CELA3B: variants seen among roughly 807,000 people sequenced by gnomAD.
CELA3B encodes the protein chymotrypsin-like elastase family member 3B.
A neutral mutation model predicts 37.2 loss-of-function variants in CELA3B; 34 were observed. The observed-to-expected ratio is 0.91, with a 90% CI of 0.70 to 1.22. The LOEUF is 1.22. Ranked by LOEUF, CELA3B falls within the 50% of genes most tolerant of loss-of-function variation. CELA3B has a pLI of 0.00. For synonymous variants in CELA3B, 127 were observed against 143.5 expected (o/e 0.89, Z 0.82); for missense variants, 340 against 363.1 (o/e 0.94, Z 0.52).
Position 21,983,683 on chromosome 1 carries a change from C to T in CELA3B, c.363-11C>T. The T allele has an allele frequency of 1.2e-6, 2 of 1,613,052 alleles. No individual in the cohort carries two copies. Among genetic ancestry groups the T allele is most frequent in the Non-Finnish European group, 1.7e-6 (2 of 1,179,404 alleles). On this transcript the variant is annotated splice_polypyrimidine_tract_variant and intron_variant, in intron 4 of 7. Transcript: ENST00000337107. Reference sequence around the variant, plus strand: ...GAGGACCAGGCCCCGTGACTGTTCCCTCCTCCCCAGCAATGACATCGCCCT... The same window carrying T: ...GAGGACCAGGCCCCGTGACTGTTCCTTCCTCCCCAGCAATGACATCGCCCT...
intron 2 of CELA3B, among the ~76,000 whole-genome samples, chr1:21,980,374 C>G (rs997441903): frequency 6.8e-4 from 103 of 152,264 alleles, no homozygotes; most frequent in Non-Finnish European, 5.9e-4. Context: ...AGTTACTGTG[C>G]AGGCTGAGGC....
In CELA3B at chr1:21,977,154, T is replaced by C. The variant is rs1644777288; in HGVS notation, c.43+72T>C. ...GGAATCCTTGAAATCTACCACTTGC[T>C]CTAAGTCCCATGACACCCTATGCCT... On this transcript the variant is annotated intron_variant, in intron 1 of 7. Coordinates refer to ENST00000337107, the MANE Select transcript of CELA3B (RefSeq NM_007352.4). The C allele has an allele frequency of 5.0e-6, 8 of 1,604,472 alleles. No individual in the cohort carries two copies. The South Asian group carries it at 8.8e-5, about 18-fold the overall frequency.
At chr1:21,985,680 A>G (rs1272248048) in intron 6 of CELA3B, among the ~76,000 whole-genome samples, 2 of 151,892 alleles carry the variant, frequency 1.3e-5, no homozygotes, top group Non-Finnish European at 2.9e-5. Context: ...TCACGAGGTC[A>G]GGAGATCGAG....
intron 6 of CELA3B, among the ~76,000 whole-genome samples, chr1:21,984,945 T>TA (rs956210659): frequency 6.0e-5 from 9 of 148,964 alleles, no homozygotes; most frequent in East Asian, 5.9e-4. Context: ...AGACTCTGTC[T>TA]AAAAAAAAAA....
chr1:21,989,654 C>G (rs538868092), downstream of CELA3B, among the ~76,000 whole-genome samples: 3 of 150,534 alleles, frequency 2.0e-5, no homozygotes, highest in Non-Finnish European at 4.4e-5. Flanking sequence ...TCAATGCAGG[C>G]ATATAAACAT....
chr1:21,980,484 CA>C (rs1557864298), intron 2 of CELA3B, among the ~76,000 whole-genome samples: 2 of 151,458 alleles, frequency 1.3e-5, no homozygotes, highest in Admixed American at 1.3e-4. Context: ...CCATCTCAAA[CA>C]AAAAAAGTCA....
In CELA3B at chr1:21,984,281, G is replaced by A. The variant is rs146323886; in HGVS notation, c.592G>A (p.Val198Met). 7.8e-5 allele frequency: 126 copies of A among 1,614,126 alleles called. No individual in the cohort carries two copies. Among genetic ancestry groups the A allele is most frequent in the Non-Finnish European group, 9.7e-5 (114 of 1,180,006 alleles). Residue 198 changes from valine (V) to methionine (M), a missense_variant, in exon 6 of 8, where the codon GTG (valine) becomes ATG (methionine). Coordinates refer to ENST00000337107, the MANE Select transcript of CELA3B (RefSeq NM_007352.4). ...CSRWNWWGSS[V>M]KKTMVCAGGD... Reference sequence around the variant, plus strand: ...CAGGTGGAACTGGTGGGGTTCCTCCGTGAAGAAGACCATGGTGTGTGCTGG... The same window carrying A: ...CAGGTGGAACTGGTGGGGTTCCTCCATGAAGAAGACCATGGTGTGTGCTGG...
chr1:21,995,649 T>C (rs1276480399), intron 4 of CELA3B, among the ~76,000 whole-genome samples: 1 of 150,682 alleles, frequency 6.6e-6, no homozygotes, highest in Non-Finnish European at 1.5e-5. Flanking sequence ...CATTTCATGC[T>C]CTATTTTTAG....
Position 21,986,556 on chromosome 1 carries a change from G to T in CELA3B, c.668G>T (p.Cys223Phe), listed in dbSNP as rs1443170285. ...CNGDSGGPLN[C>F]PTEDGGWQVH... ...GGTGACTCTGGAGGACCCCTCAACTGCCCCACAGAGGATGGTGGCTGGCAG... is the reference window on the plus strand; with the variant it reads ...GGTGACTCTGGAGGACCCCTCAACTTCCCCACAGAGGATGGTGGCTGGCAG... Residue 223 changes from cysteine to phenylalanine, a missense_variant, in exon 7 of 8, where the codon TGC (cysteine) becomes TTC (phenylalanine). Cys to Phe is a radical substitution (Grantham distance 205, BLOSUM62 -2). Transcript: ENST00000337107. 6.2e-7 allele frequency: 1 copy of T among 1,614,026 alleles called. No individual in the cohort carries two copies. The highest frequency in any genetic ancestry group is 1.7e-5 in the Admixed American group (1 of 59,970).
At chr1:21,986,775 A>G in intron 7 of CELA3B, 92 bp downstream of exon 7, 6 of 1,417,518 alleles carry the variant, frequency 4.2e-6, no homozygotes, top group Non-Finnish European at 4.8e-6. Flanking sequence ...GGAGGGCCTG[A>G]AAGGATCCTA....
At chr1:21,987,858 A>G (rs1157470514) in intron 7 of CELA3B, 5 of 151,594 alleles carry the variant, frequency 3.3e-5, no homozygotes, top group Admixed American at 6.6e-5. Flanking sequence ...GGAATGATAT[A>G]GAGATTAGCA....
intron 2 of CELA3B, among the ~76,000 whole-genome samples, chr1:21,978,910 G>C (rs1484521411): frequency 6.6e-6 from 1 of 151,570 alleles, no homozygotes; most frequent in Non-Finnish European, 1.5e-5. Flanking sequence ...GGCCGGGCAC[G>C]GTGGCTCACG....
intron 4 of CELA3B, among the ~76,000 whole-genome samples, chr1:21,982,081 G>A (rs1247867919): frequency 1.3e-5 from 2 of 152,078 alleles, no homozygotes. Context: ...GTTTTTTCTG[G>A]CGAGAGGGTC....
chr1:21,983,076 G>A (rs562940792), intron 4 of CELA3B, among the ~76,000 whole-genome samples: 5 of 152,286 alleles, frequency 3.3e-5, no homozygotes, highest in African/African-American at 9.6e-5. Context: ...TTGGCTGGGC[G>A]CGGTGGCTCA....
Position 21,983,780 on chromosome 1 carries a change from T to C in CELA3B, c.449T>C (p.Ile150Thr). 1 of 1,614,048 alleles carries C rather than the reference T, an allele frequency of 6.2e-7. No homozygotes were observed. The change falls in exon 5 of 8, where the codon ATC (isoleucine) becomes ACC (threonine). Residue 150 changes from isoleucine to threonine, a missense_variant. By Grantham distance (89) the Ile-to-Thr change is moderately conservative. Coordinates refer to ENST00000337107, the MANE Select transcript of CELA3B (RefSeq NM_007352.4). ...QLASLPPAGD[I>T]LPNETPCYIT... ...GCCTCACTCCCTCCGGCTGGTGACA[T>C]CCTTCCCAACGAGACACCCTGCTAC...
At chr1:21,985,830 G>C (rs574538734) in intron 6 of CELA3B, among the ~76,000 whole-genome samples, 1 of 152,120 alleles carries the variant, frequency 6.6e-6, no homozygotes, top group African/African-American at 2.4e-5. Flanking sequence ...GGCGGAGCTT[G>C]CCGTGAGCCG....
In CELA3B at chr1:21,980,888, C is replaced by T. The variant is rs1644800053; in HGVS notation, c.194C>T (p.Pro65Leu). The stretch of plus-strand genomic sequence containing the variant: ...ACCTGTGGCGGTAGCCTCATCGCCC[C>T]CGACTGGGTTGTGACTGCCGGCCAC... ...YHTCGGSLIA[P>L]DWVVTAGHCI... The change falls in exon 3 of 8, where the codon CCC (proline) becomes CTC (leucine). Residue 65 changes from proline (P) to leucine (L), a missense_variant. Physicochemically the swap from Pro to Leu is moderately conservative, Grantham distance 98 (BLOSUM62 -3). Coordinates refer to ENST00000337107, the MANE Select transcript of CELA3B (RefSeq NM_007352.4). The T allele has an allele frequency of 1.9e-6, 3 of 1,613,160 alleles. No individual in the cohort carries two copies. Among genetic ancestry groups the T allele is most frequent in the Non-Finnish European group, 1.7e-6 (2 of 1,179,746 alleles).
At chr1:21,996,692 A>G (rs1241568902) in intron 4 of CELA3B, among the ~76,000 whole-genome samples, 1 of 151,026 alleles carries the variant, frequency 6.6e-6, no homozygotes, top group African/African-American at 2.5e-5. Context: ...CCTTTCCTGT[A>G]ACATCGGGAA....
intron 6 of CELA3B, among the ~76,000 whole-genome samples, chr1:21,986,142 G>T (rs1326126611): frequency 6.6e-6 from 1 of 151,048 alleles, no homozygotes; most frequent in Non-Finnish European, 1.5e-5. Flanking sequence ...GCCCCGGCAG[G>T]TGGATCACCT....
Sources: allele counts gnomAD v4.1 joint callset (sites outside exome capture counted in the v4.1 genomes callset), GRCh38; gene constraint gnomAD v4.1.1; transcripts MANE v1.5; gene names NCBI Gene and HGNC (gene_info 2026-07-23, HGNC 2026-07-21).